The following ANKRD6 variants were observed in gnomAD, a reference collection of about 807,000 sequenced individuals.
ANKRD6 encodes the protein ankyrin repeat domain 6, also known as ankyrin repeat domain-containing protein 6.
ANKRD6 carries 56 observed loss-of-function variants against 82.3 expected under a neutral mutation model. The observed-to-expected ratio is 0.68, with a 90% CI of 0.55 to 0.85. The LOEUF is 0.85. Among genes scored for constraint, ANKRD6 ranks in the 40% least tolerant of loss-of-function variants. ANKRD6 has a pLI of 0.00. For missense variants in ANKRD6, 852 were observed against 907.6 expected, an observed-to-expected ratio of 0.94 and a Z score of 0.79; for synonymous variants, 347 against 352.1, an observed-to-expected ratio of 0.99 and a Z score of 0.16.
Position 89,537,978 on chromosome 6 carries a change from C to T in ANKRD6, c.-143-28856C>T, listed in dbSNP as rs1415372258. ...CCTCCCAAGTTACTTTGTGGCAAATCCCAGACAGCATGTCATTTCATCCTC... is the reference window on the plus strand; with the variant it reads ...CCTCCCAAGTTACTTTGTGGCAAATTCCAGACAGCATGTCATTTCATCCTC... On this transcript the variant is annotated intron_variant, in intron 1 of 15. Transcript: ENST00000339746. Among the ~76,000 whole-genome samples, 4 of 151,962 alleles carry T rather than the reference C, an allele frequency of 2.6e-5. No homozygotes were observed. In the South Asian group the frequency reaches 6.3e-4, roughly 24 times the overall value.
intron 4 of ANKRD6, among the ~76,000 whole-genome samples, chr6:89,604,017 A>G (rs1404014876): frequency 6.6e-6 from 1 of 152,164 alleles, no homozygotes; most frequent in East Asian, 1.9e-4. Flanking sequence ...AAATAAATAA[A>G]TAAGATTGAT....
intron 14 of ANKRD6, among the ~76,000 whole-genome samples, chr6:89,627,930 G>T (rs770732535): frequency 2.0e-5 from 3 of 152,210 alleles, no homozygotes; most frequent in Non-Finnish European, 2.9e-5. Flanking sequence ...TGCTGGGGAA[G>T]ATGCCATTTC....
intron 1 of ANKRD6, among the ~76,000 whole-genome samples, chr6:89,515,037 A>T (rs1781041953): frequency 6.6e-6 from 1 of 152,172 alleles, no homozygotes; most frequent in African/African-American, 2.4e-5. Flanking sequence ...CTATTAGATT[A>T]TCTTTTTCTT....
chr6:89,595,575 A>G (rs1439871399), intron 2 of ANKRD6, among the ~76,000 whole-genome samples: 1 of 152,142 alleles, frequency 6.6e-6, no homozygotes, highest in Admixed American at 6.6e-5. Context: ...TGGCCACTTC[A>G]TTATTCCTCA....
chr6:89,602,241 C>T (rs1375210541), intron 3 of ANKRD6: 2 of 152,216 alleles, frequency 1.3e-5, no homozygotes, highest in African/African-American at 4.8e-5. Flanking sequence ...ATAAAGGGTG[C>T]TCTTAGAGAC....
At chr6:89,610,082 A>C (rs141126462) in intron 5 of ANKRD6, among the ~76,000 whole-genome samples, 130 of 152,286 alleles carry the variant, frequency 8.5e-4, no homozygotes, top group African/African-American at 3.0e-3. Flanking sequence ...AGGGTGGGGA[A>C]AAACGCCTGC....
intron 9 of ANKRD6, chr6:89,621,666 G>A: frequency 2.1e-6 from 1 of 472,006 alleles, no homozygotes; most frequent in Non-Finnish European, 3.9e-6. Flanking sequence ...ATCAGTGTCT[G>A]TAGTTATTAT....
At chr6:89,606,177 G>C in intron 5 of ANKRD6, 72 bp downstream of exon 5, 2 of 1,286,994 alleles carry the variant, frequency 1.6e-6, no homozygotes, top group Non-Finnish European at 2.1e-6. Context: ...CCCTGTGGGA[G>C]CCTTCTTCCA....
At chr6:89,480,528 A>AT (rs1299171777) in intron 1 of ANKRD6, among the ~76,000 whole-genome samples, 14 of 150,696 alleles carry the variant, frequency 9.3e-5, no homozygotes, top group Admixed American at 4.6e-4. Context: ...TATTTTGTAT[A>AT]TTTTTTATAT....
At position 89,554,243 on chromosome 6, in the gene ANKRD6, T is replaced by G. The variant is rs924875751; in HGVS notation, c.-143-12591T>G. Among the ~76,000 whole-genome samples, 13 of 152,242 alleles carry G rather than the reference T, an allele frequency of 8.5e-5. 1 individual carries two copies. The highest frequency in any genetic ancestry group is 1.6e-4 in the Non-Finnish European group (11 of 68,044). Reference sequence around the variant, plus strand: ...AAGCCACTGGTGAGGTCGCATTGCCTCTGGAGGAGACTGTTCCCTTGTATC... The same window carrying G: ...AAGCCACTGGTGAGGTCGCATTGCCGCTGGAGGAGACTGTTCCCTTGTATC... On this transcript the variant is annotated intron_variant, in intron 1 of 15. Coordinates refer to ENST00000339746, the MANE Select transcript of ANKRD6 (RefSeq NM_001242809.2).
intron 2 of ANKRD6, among the ~76,000 whole-genome samples, chr6:89,590,365 A>G (rs930408232): frequency 6.6e-6 from 1 of 152,122 alleles, no homozygotes; most frequent in Non-Finnish European, 1.5e-5. Flanking sequence ...AAGGTCACAC[A>G]TTAGAGTCAC....
chr6:89,604,052 C>T (rs1049714095), intron 4 of ANKRD6, among the ~76,000 whole-genome samples: 5 of 152,278 alleles, frequency 3.3e-5, no homozygotes, highest in South Asian at 2.1e-4. Context: ...ATTGGCCAGG[C>T]GCAGTGGTTC....
intron 13 of ANKRD6, among the ~76,000 whole-genome samples, chr6:89,626,350 C>T (rs1169151772): frequency 1.3e-5 from 2 of 152,048 alleles, no homozygotes; most frequent in African/African-American, 2.4e-5. Flanking sequence ...TCCAAATCAC[C>T]AAGAAAGGAC....
chr6:89,628,066 G>C lies in ANKRD6; in HGVS notation c.1485+370G>C, dbSNP rs1222552128. Among the ~76,000 whole-genome samples, 3 of 152,192 alleles carry C rather than the reference G, an allele frequency of 2.0e-5. No homozygotes were observed. The East Asian group carries it at 5.8e-4, about 29-fold the overall frequency. On this transcript the variant is annotated intron_variant, in intron 14 of 15. Transcript: ENST00000339746. The stretch of plus-strand genomic sequence containing the variant: ...AAGAGACATGGAATGAGTACAGTGA[G>C]TGTGTGAGAACTCAGGCTTTCTAAG...
At chr6:89,495,437 G>T (rs1211588812) in intron 1 of ANKRD6, among the ~76,000 whole-genome samples, 1 of 152,128 alleles carries the variant, frequency 6.6e-6, no homozygotes, top group African/African-American at 2.4e-5. Flanking sequence ...CTCTAGATAG[G>T]ACCAGGGCTG....
chr6:89,511,893 C>T (rs1181375884), intron 1 of ANKRD6, among the ~76,000 whole-genome samples: 1 of 151,988 alleles, frequency 6.6e-6, no homozygotes, highest in African/African-American at 2.4e-5. Context: ...GAAATGTGGC[C>T]ACAGCAGAGA....
At chr6:89,526,848 A>G (rs1782554717) in intron 1 of ANKRD6, among the ~76,000 whole-genome samples, 1 of 152,210 alleles carries the variant, frequency 6.6e-6, no homozygotes, top group Admixed American at 6.5e-5. Context: ...AGGGCAGGAG[A>G]AAATTCCCAG....
At chr6:89,569,237 A>C (rs1195579208) in intron 2 of ANKRD6, among the ~76,000 whole-genome samples, 3 of 152,270 alleles carry the variant, frequency 2.0e-5, no homozygotes, top group South Asian at 4.1e-4. Flanking sequence ...CTTCGTACCC[A>C]GTAGCTGTCA....
At chr6:89,527,869 G>C (rs968147025) in intron 1 of ANKRD6, among the ~76,000 whole-genome samples, 4 of 152,068 alleles carry the variant, frequency 2.6e-5, no homozygotes, top group Admixed American at 2.6e-4. Context: ...GAGTATAATA[G>C]CGCAATCACA....
Sources: allele counts gnomAD v4.1 joint callset (sites outside exome capture counted in the v4.1 genomes callset), GRCh38; gene constraint gnomAD v4.1.1; transcripts MANE v1.5; gene names NCBI Gene and HGNC (gene_info 2026-07-23, HGNC 2026-07-21).